The following STK39 variants were observed in gnomAD, a reference collection of about 807,000 sequenced individuals.
The protein encoded by STK39 is serine/threonine kinase 39.
STK39 carries 20 observed loss-of-function variants against 77.8 expected under a neutral mutation model. The ratio of observed to expected loss-of-function variants is 0.26; its 90% CI spans 0.18 to 0.37. The LOEUF (loss-of-function observed/expected upper bound fraction) is 0.37, where lower values mean the gene tolerates loss of function less well. Ranked by LOEUF, STK39 falls within the 10% of genes least tolerant of loss-of-function variation. The pLI is 1.00. For synonymous variants in STK39, 246 were observed against 234.1 expected, an observed-to-expected ratio of 1.05 and a Z score of -0.47; for missense variants, 479 against 656.5, an observed-to-expected ratio of 0.73 and a Z score of 2.95.
intron 1 of STK39, among the ~76,000 whole-genome samples, chr2:168,236,635 A>G (rs1275049039): frequency 1.3e-5 from 2 of 152,232 alleles, no homozygotes; most frequent in African/African-American, 4.8e-5. Context: ...ATAAGGCGTA[A>G]GGAAGGGATC....
chr2:168,138,322 A>G, intron 7 of STK39, 101 bp from the exon 8 acceptor site: 1 of 1,424,586 alleles, frequency 7.0e-7, no homozygotes, highest in Non-Finnish European at 9.3e-7. Flanking sequence ...CCTTGATTAG[A>G]TACAAAGTGC....
chr2:168,008,287 TGATGGGATGTGA>T (rs1684182973), intron 16 of STK39, among the ~76,000 whole-genome samples: 1 of 152,038 alleles, frequency 6.6e-6, no homozygotes, highest in Non-Finnish European at 1.5e-5. Context: ...GCTTGAAACG[TGATGGGATGTGA>T]GATGGTGAGC....
intron 1 of STK39, among the ~76,000 whole-genome samples, chr2:168,233,030 A>G (rs1247871771): frequency 1.3e-5 from 2 of 152,200 alleles, no homozygotes; most frequent in Non-Finnish European, 2.9e-5. Flanking sequence ...TTGGCCCTAG[A>G]GATCAGAGAT....
Position 167,981,330 on chromosome 2 carries a change from G to A in STK39, c.1499-16604C>T, listed in dbSNP as rs151145951. 7.4e-4 allele frequency among the ~76,000 whole-genome samples: 112 copies of A among 152,340 alleles called. 1 individual carries two copies. The highest frequency in any genetic ancestry group is 2.5e-3 in the African/African-American group (106 of 41,580). Reference sequence around the variant, plus strand: ...GGTTGACAATGTGGCTCAAGCCAGTGCAGGGATCACACTGTAAGTGGCACT... The same window carrying A: ...GGTTGACAATGTGGCTCAAGCCAGTACAGGGATCACACTGTAAGTGGCACT... On this transcript the variant is annotated intron_variant, in intron 16 of 17. Transcript: ENST00000355999.
At chr2:168,074,017 C>G (rs896019485) in intron 12 of STK39, among the ~76,000 whole-genome samples, 1 of 151,982 alleles carries the variant, frequency 6.6e-6, no homozygotes, top group Non-Finnish European at 1.5e-5. Flanking sequence ...GGCAGGCAAG[C>G]TGAAAAATGC....
At chr2:168,024,408 C>T (rs771018971) in intron 14 of STK39, among the ~76,000 whole-genome samples, 26 of 152,184 alleles carry the variant, frequency 1.7e-4, no homozygotes, top group Admixed American at 9.8e-4. Context: ...GAAACTTCAT[C>T]CCTGATGTGA....
chr2:168,189,802 C>T (rs1689294956), intron 1 of STK39, among the ~76,000 whole-genome samples: 1 of 152,134 alleles, frequency 6.6e-6, no homozygotes, highest in South Asian at 2.1e-4. Context: ...AGAGGTTCAG[C>T]CCCTCAAAGC....
At chr2:168,144,209 G>T (rs1238910396) in intron 5 of STK39, among the ~76,000 whole-genome samples, 1 of 152,166 alleles carries the variant, frequency 6.6e-6, no homozygotes, top group Non-Finnish European at 1.5e-5. Flanking sequence ...CAGTGATTAG[G>T]CCTAAGGCTA....
At chr2:167,993,811 T>C (rs1244334267) in intron 16 of STK39, among the ~76,000 whole-genome samples, 1 of 152,098 alleles carries the variant, frequency 6.6e-6, no homozygotes, top group East Asian at 1.9e-4. Flanking sequence ...CCGTATGGTT[T>C]TCTGGTAGGC....
At chr2:168,245,241 A>T (rs187715927) in intron 1 of STK39, among the ~76,000 whole-genome samples, 1 of 152,316 alleles carries the variant, frequency 6.6e-6, no homozygotes, top group East Asian at 1.9e-4. Context: ...GACCTCTACT[A>T]AGAAATACTC....
At chr2:168,001,031 C>G (rs1248451714) in intron 16 of STK39, among the ~76,000 whole-genome samples, 1 of 152,154 alleles carries the variant, frequency 6.6e-6, no homozygotes, top group Non-Finnish European at 1.5e-5. Flanking sequence ...TGGCCAGGCC[C>G]ATGCGTTTGC....
intron 8 of STK39, among the ~76,000 whole-genome samples, chr2:168,132,688 T>C (rs1185860576): frequency 2.6e-5 from 4 of 152,174 alleles, no homozygotes; most frequent in African/African-American, 4.8e-5. Flanking sequence ...CTCCTGCAAG[T>C]AGAAGGCATT....
At chr2:168,034,239 G>T (rs1313093667) in intron 14 of STK39, among the ~76,000 whole-genome samples, 1 of 152,166 alleles carries the variant, frequency 6.6e-6, no homozygotes, top group African/African-American at 2.4e-5. Context: ...CTGGCTTGGG[G>T]TTTGAAACAA....
chr2:168,238,394 G>A (rs1333340305), intron 1 of STK39, among the ~76,000 whole-genome samples: 3 of 152,168 alleles, frequency 2.0e-5, no homozygotes, highest in Admixed American at 6.5e-5. Context: ...AGAATCACAT[G>A]AGCACCCCCA....
At chr2:168,072,090 A>G (rs1204898429) in intron 12 of STK39, among the ~76,000 whole-genome samples, 1 of 151,640 alleles carries the variant, frequency 6.6e-6, no homozygotes, top group Non-Finnish European at 1.5e-5. Context: ...AATAAAAAAG[A>G]GGCAGATCTA....
intron 1 of STK39, among the ~76,000 whole-genome samples, chr2:168,242,892 C>CAAA (rs56028340): frequency 6.8e-5 from 9 of 133,228 alleles, no homozygotes; most frequent in African/African-American, 1.4e-4. Context: ...GACCCTTTAT[C>CAAA]AAAAAAAAAA....
chr2:167,964,407 G>C, intron 17 of STK39: 2 of 395,808 alleles, frequency 5.1e-6, no homozygotes, highest in Non-Finnish European at 4.5e-6. Context: ...TAGGCTTCAA[G>C]ATTCTTATAT....
intron 16 of STK39, among the ~76,000 whole-genome samples, 153 bp from the exon 17 acceptor site, chr2:167,964,879 A>T (rs913209615): frequency 6.6e-6 from 1 of 152,236 alleles, no homozygotes; most frequent in African/African-American, 2.4e-5. Context: ...TGACCAAATT[A>T]CTCTCATACA....
intron 14 of STK39, among the ~76,000 whole-genome samples, chr2:168,024,967 A>G (rs958796093): frequency 1.3e-5 from 2 of 152,208 alleles, no homozygotes; most frequent in African/African-American, 4.8e-5. Flanking sequence ...TACTGGGTAC[A>G]CAGATAGTAT....
Sources: gnomAD v4.1 joint callset for allele counts (sites outside exome capture counted in the v4.1 genomes callset) on GRCh38, gnomAD v4.1.1 for gene constraint, MANE v1.5 for transcripts, NCBI Gene and HGNC (gene_info 2026-07-23, HGNC 2026-07-21) for gene names.